The following SMYD3 variants were observed in gnomAD, a reference collection of about 807,000 sequenced individuals.
The protein encoded by SMYD3 is histone-lysine N-methyltransferase SMYD3.
In SMYD3, 36 loss-of-function variants were observed where a neutral mutation model predicts 57.7. That is an observed-to-expected ratio of 0.62 (90% CI 0.48 to 0.82). The LOEUF is 0.82. Ranked by LOEUF, SMYD3 falls within the 40% of genes least tolerant of loss-of-function variation. The pLI is 0.00. For synonymous variants in SMYD3, 211 were observed against 195.0 expected (o/e 1.08, Z -0.68); for missense variants, 515 against 538.8 (o/e 0.96, Z 0.44).
intron 11 of SMYD3, among the ~76,000 whole-genome samples, chr1:245,759,863 G>A (rs2045768846): frequency 1.3e-5 from 2 of 152,204 alleles, no homozygotes; most frequent in Admixed American, 6.5e-5. Flanking sequence ...GCCAGGGTGA[G>A]GGAGCCTGCA....
At chr1:246,093,690 TAATA>T (rs150826813) in intron 5 of SMYD3, among the ~76,000 whole-genome samples, 4,972 of 152,214 alleles carry the variant, frequency 0.033, 278 homozygotes, top group African/African-American at 0.11. Context: ...TCAATAAAAC[TAATA>T]AATTGAAAAT....
intron 2 of SMYD3, among the ~76,000 whole-genome samples, chr1:246,341,011 C>T (rs762324788): frequency 2.0e-5 from 3 of 152,028 alleles, no homozygotes; most frequent in African/African-American, 7.2e-5. Flanking sequence ...AAAAAGAATG[C>T]TCACAATAGA....
At chr1:246,239,267 G>A (rs1307195105) in intron 5 of SMYD3, among the ~76,000 whole-genome samples, 1 of 151,980 alleles carries the variant, frequency 6.6e-6, no homozygotes, top group Non-Finnish European at 1.5e-5. Context: ...CCCATGACAG[G>A]CCCTGGTGTG....
chr1:246,209,399 T>C (rs767333363), intron 5 of SMYD3, among the ~76,000 whole-genome samples: 12 of 152,158 alleles, frequency 7.9e-5, no homozygotes, highest in Non-Finnish European at 1.6e-4. Flanking sequence ...ATCTTAAACA[T>C]GGTCTGCATT....
intron 5 of SMYD3, among the ~76,000 whole-genome samples, chr1:246,050,168 A>G (rs1572945299): frequency 6.6e-6 from 1 of 152,360 alleles, no homozygotes; most frequent in East Asian, 1.9e-4. Context: ...TTAGACTCAT[A>G]GTCTAGAATT....
chr1:246,458,196 T>C (rs2103035358), intron 1 of SMYD3, among the ~76,000 whole-genome samples: 1 of 152,182 alleles, frequency 6.6e-6, no homozygotes, highest in East Asian at 1.9e-4. Context: ...ATTAAAATAA[T>C]GACTGAGCCC....
chr1:245,751,890 G>A (rs542820501), intron 11 of SMYD3, among the ~76,000 whole-genome samples: 3 of 152,372 alleles, frequency 2.0e-5, no homozygotes, highest in South Asian at 4.1e-4. Context: ...CAGGGGAGGA[G>A]TTGGGACCAG....
At chr1:246,325,297 T>TCGGGGGGGCAGGAAGGAGGGAGAAGGAG (rs1558402300) in intron 5 of SMYD3, among the ~76,000 whole-genome samples, 1 of 19,842 alleles carries the variant, frequency 5.0e-5, no homozygotes, top group Non-Finnish European at 8.9e-5. Flanking sequence ...GGAGAAGGAG[T>TCGGGGGGGCAGGAAGGAGGGAGAAGGAG]TGGGGGGGCG....
At chr1:245,919,895 T>A (rs913208835) in intron 7 of SMYD3, among the ~76,000 whole-genome samples, 3 of 152,216 alleles carry the variant, frequency 2.0e-5, no homozygotes, top group Admixed American at 2.0e-4. Flanking sequence ...TTTCTGACAT[T>A]AGAGTAATAT....
chr1:245,931,176 G>A (rs2056694511), intron 5 of SMYD3, among the ~76,000 whole-genome samples: 1 of 152,170 alleles, frequency 6.6e-6, no homozygotes, highest in South Asian at 2.1e-4. Flanking sequence ...AGGCATGAAG[G>A]AGTCTGACTT....
intron 5 of SMYD3, among the ~76,000 whole-genome samples, chr1:246,002,108 C>G (rs935941426): frequency 4.6e-5 from 7 of 152,166 alleles, no homozygotes; most frequent in African/African-American, 7.2e-5. Context: ...ACTGCAGGAA[C>G]AAGTCATAAG....
chr1:246,165,307 T>C (rs2062189122), intron 5 of SMYD3, among the ~76,000 whole-genome samples: 1 of 152,162 alleles, frequency 6.6e-6, no homozygotes, highest in Non-Finnish European at 1.5e-5. Flanking sequence ...GATTCAAAGA[T>C]AAGTAGAGGA....
chr1:246,153,619 A>G (rs2061977485), intron 5 of SMYD3, among the ~76,000 whole-genome samples: 1 of 151,902 alleles, frequency 6.6e-6, no homozygotes. Flanking sequence ...ATGCCTGGCT[A>G]ATTACTTTTT....
Position 246,211,913 on chromosome 1 carries a change from TAA to T in SMYD3, c.531+115286_531+115287del, listed in dbSNP as rs76595728. On this transcript the variant is annotated intron_variant, in intron 5 of 11. Transcript: ENST00000490107. ...ATGTAATCCCTGTACAAGATTGTGG[TAA>T]AAAAAAAAAAAGTCACATAAATAAA... 3.5e-4 allele frequency among the ~76,000 whole-genome samples: 51 copies of T among 144,048 alleles called. 1 individual carries two copies. The highest frequency in any genetic ancestry group is 1.6e-3 in the Admixed American group (24 of 14,624). 94.5% of individuals were successfully genotyped at this position (144,048 alleles called of 152,430 possible).
chr1:246,147,186 C>G (rs896160621), intron 5 of SMYD3, among the ~76,000 whole-genome samples: 23 of 99,964 alleles, frequency 2.3e-4, no homozygotes, highest in Admixed American at 4.8e-4. Flanking sequence ...GCTGCCCCGG[C>G]AAACCCTAGG....
intron 10 of SMYD3, among the ~76,000 whole-genome samples, chr1:245,778,048 A>G (rs2046677058): frequency 6.6e-6 from 1 of 152,206 alleles, no homozygotes; most frequent in Non-Finnish European, 1.5e-5. Flanking sequence ...AGATACCTAT[A>G]TCCGGAGAAA....
intron 1 of SMYD3, among the ~76,000 whole-genome samples, chr1:246,428,932 G>C (rs7546372): frequency 0.99 from 150,469 of 151,638 alleles, 74,667 homozygotes; most frequent in East Asian, 1. Context: ...CTGGCTCCCC[G>C]TCAGGAATAT....
intron 5 of SMYD3, among the ~76,000 whole-genome samples, chr1:246,243,859 C>G (rs1351976632): frequency 6.6e-6 from 1 of 151,606 alleles, no homozygotes; most frequent in East Asian, 2.0e-4. Flanking sequence ...AAATAACATT[C>G]TACACGTTTT....
chr1:246,352,202 C>T (rs2065842998), intron 2 of SMYD3, among the ~76,000 whole-genome samples: 1 of 149,986 alleles, frequency 6.7e-6, no homozygotes, highest in African/African-American at 2.5e-5. Flanking sequence ...GCACTGACAC[C>T]ATCCTGTGGG....
Sources: gnomAD v4.1 joint callset for allele counts (sites outside exome capture counted in the v4.1 genomes callset) on GRCh38, gnomAD v4.1.1 for gene constraint, MANE v1.5 for transcripts, NCBI Gene and HGNC (gene_info 2026-07-23, HGNC 2026-07-21) for gene names.